The following MPDZ variants were observed in gnomAD, a reference collection of about 807,000 sequenced individuals.
MPDZ encodes the protein multiple PDZ domain protein.
A neutral mutation model predicts 239.1 loss-of-function variants in MPDZ; 234 were observed. That is an observed-to-expected ratio of 0.98 (90% CI 0.88 to 1.09). The LOEUF is 1.09. MPDZ is among the 50% of genes least tolerant of loss of function. The probability of loss-of-function intolerance (pLI) is 0.00; values close to 1 mark genes in which losing one functional copy is unlikely to be tolerated. For missense variants in MPDZ, 3,175 were observed against 2,510.0 expected, an observed-to-expected ratio of 1.26 and a Z score of -5.66; for synonymous variants, 1,048 against 881.3, an observed-to-expected ratio of 1.19 and a Z score of -3.35.
At chr9:13,261,364 G>C (rs1006131319) in intron 1 of MPDZ, among the ~76,000 whole-genome samples, 2 of 151,952 alleles carry the variant, frequency 1.3e-5, no homozygotes, top group South Asian at 2.1e-4. Context: ...TTTGCCAGAG[G>C]TATGTTGTAT....
chr9:13,274,602 T>C (rs1168637724), intron 1 of MPDZ: 2 of 150,934 alleles, frequency 1.3e-5, no homozygotes, highest in African/African-American at 2.4e-5. Flanking sequence ...ACAAATAAAA[T>C]TGCAACACCT....
intron 5 of MPDZ, among the ~76,000 whole-genome samples, chr9:13,222,947 A>T (rs1959224841): frequency 6.8e-6 from 1 of 147,222 alleles, no homozygotes; most frequent in Non-Finnish European, 1.5e-5. Context: ...CTGGGGATCA[A>T]ATATACTCAA....
At chr9:13,122,631 C>T (rs1446312136) in intron 36 of MPDZ, among the ~76,000 whole-genome samples, 1 of 151,914 alleles carries the variant, frequency 6.6e-6, no homozygotes, top group Non-Finnish European at 1.5e-5. Context: ...AGAGATTCTC[C>T]TGCCTCAACC....
At chr9:13,166,068 G>A (rs962676679) in intron 22 of MPDZ, among the ~76,000 whole-genome samples, 1 of 151,990 alleles carries the variant, frequency 6.6e-6, no homozygotes. Flanking sequence ...CTTTTTTAAA[G>A]TTCCTACAAT....
chr9:13,160,560 G>C (rs1347870318), intron 23 of MPDZ, among the ~76,000 whole-genome samples: 1 of 151,646 alleles, frequency 6.6e-6, no homozygotes, highest in East Asian at 1.9e-4. Context: ...ATATTTCAGA[G>C]GGACATTGAA....
At chr9:13,159,636 G>A (rs540812632) in intron 23 of MPDZ, among the ~76,000 whole-genome samples, 1 of 152,078 alleles carries the variant, frequency 6.6e-6, no homozygotes, top group African/African-American at 2.4e-5. Flanking sequence ...GGGGATGGGG[G>A]GAGGTCCTTA....
chr9:13,192,608 T>C (rs374900335), intron 14 of MPDZ, among the ~76,000 whole-genome samples: 19 of 152,020 alleles, frequency 1.2e-4, no homozygotes, highest in South Asian at 4.2e-4. Flanking sequence ...AGGAGAAGAA[T>C]AGTATAAAAC....
intron 27 of MPDZ, 80 bp downstream of exon 27, chr9:13,143,386 T>A: frequency 1.8e-6 from 2 of 1,088,856 alleles, no homozygotes; most frequent in Admixed American, 3.9e-5. Flanking sequence ...AATAGTGAAC[T>A]GGGACAAAGA....
intron 24 of MPDZ, among the ~76,000 whole-genome samples, chr9:13,153,336 A>G (rs1949433160): frequency 6.6e-6 from 1 of 152,184 alleles, no homozygotes; most frequent in Admixed American, 6.6e-5. Context: ...TTGATCTTAT[A>G]AAATTTTTGT....
intron 12 of MPDZ, among the ~76,000 whole-genome samples, chr9:13,202,054 T>C (rs1025787310): frequency 2.6e-5 from 4 of 152,140 alleles, no homozygotes; most frequent in Non-Finnish European, 5.9e-5. Context: ...TTGATGATGG[T>C]TCATTTGAGG....
At position 13,150,352 on chromosome 9, in the gene MPDZ, A is replaced by G. The variant is rs563106105; in HGVS notation, c.3630+159T>C. ...TACTCGAATGCTGGGTTGAGTAACT[A>G]GTATGAAGATGACAATTCCCTCGGT... On this transcript the variant is annotated intron_variant, in intron 25 of 46. Coordinates refer to ENST00000319217, the MANE Select transcript of MPDZ (RefSeq NM_001378778.1). Among the ~76,000 whole-genome samples the G allele has an allele frequency of 3.9e-5, 6 of 152,072 alleles. No homozygotes were observed. In the South Asian group the frequency reaches 1.2e-3, roughly 31 times the overall value.
At chr9:13,140,894 C>CACA (rs1947564396) in intron 27 of MPDZ, 1 of 152,118 alleles carries the variant, frequency 6.6e-6, no homozygotes, top group Non-Finnish European at 1.5e-5. Context: ...CAGCAAGTAT[C>CACA]ACACATGCAG....
At chr9:13,208,308 T>C (rs772929966) in intron 10 of MPDZ, among the ~76,000 whole-genome samples, 3 of 152,116 alleles carry the variant, frequency 2.0e-5, no homozygotes, top group Admixed American at 6.5e-5. Flanking sequence ...CCCAGGCGTA[T>C]TGGCACATGA....
intron 44 of MPDZ, 66 bp downstream of exon 44, chr9:13,110,570 A>G (rs1942281222): frequency 1.8e-5 from 19 of 1,066,896 alleles, no homozygotes; most frequent in Non-Finnish European, 2.7e-5. Flanking sequence ...TTACTGCTTT[A>G]ACATCAAAGC....
intron 35 of MPDZ, 54 bp downstream of exon 35, chr9:13,125,162 G>T: frequency 6.9e-7 from 1 of 1,451,328 alleles, no homozygotes; most frequent in South Asian, 1.6e-5. Context: ...GAAACCCTCT[G>T]CTGAGTTCAG....
chr9:13,165,539 T>C (rs932868259), intron 22 of MPDZ: 6 of 966,542 alleles, frequency 6.2e-6, no homozygotes, highest in Admixed American at 2.4e-5. Flanking sequence ...TTTTCCCCCT[T>C]TCCACCTCCC....
chr9:13,140,340 T>TAA (rs1231519595), intron 27 of MPDZ, among the ~76,000 whole-genome samples, 191 bp from the exon 28 acceptor site: 1 of 147,698 alleles, frequency 6.8e-6, no homozygotes, highest in East Asian at 2.0e-4. Context: ...TATATATATA[T>TAA]AATACCTAAC....
At position 13,125,351 on chromosome 9, in the gene MPDZ, G is replaced by A. The variant is rs1944961484; in HGVS notation, c.4672C>T (p.Leu1558Phe). 2.5e-6 allele frequency: 4 copies of A among 1,613,840 alleles called. No homozygotes were observed. The highest frequency in any genetic ancestry group is 2.5e-6 in the Non-Finnish European group (3 of 1,179,742). Residue 1558 changes from leucine (L) to phenylalanine (F), a missense_variant, in exon 35 of 47, where the codon CTT becomes TTT. Physicochemically the swap from Leu to Phe is conservative, Grantham distance 22. Transcript: ENST00000319217. ...TCTGGATTCTCAGCATGGATGGTAA[G>A]TTTTACTGTCATCTTTGCTGTCTTC... ...LLKTAKMTVKLTIHAENPDSQ... is the reference protein window; with the variant it reads ...LLKTAKMTVKFTIHAENPDSQ...
At chr9:13,233,099 G>C (rs893417736) in intron 3 of MPDZ, among the ~76,000 whole-genome samples, 2 of 152,260 alleles carry the variant, frequency 1.3e-5, no homozygotes, top group South Asian at 2.1e-4. Flanking sequence ...ACTAAATATC[G>C]TGAGAGAGTT....
Sources: gnomAD v4.1 joint callset for allele counts (sites outside exome capture counted in the v4.1 genomes callset) on GRCh38, gnomAD v4.1.1 for gene constraint, MANE v1.5 for transcripts, NCBI Gene and HGNC (gene_info 2026-07-23, HGNC 2026-07-21) for gene names.